Variants in LCMT1 observed in about 807,000 individuals in gnomAD.
LCMT1 encodes [Phosphatase 2A protein]-leucine-carboxy methyltransferase 1.
Under a neutral mutation model 47.7 loss-of-function variants are expected in LCMT1, and 32 were observed. That is an observed-to-expected ratio of 0.67 (90% CI 0.51 to 0.90). The LOEUF is 0.90. Among genes scored for constraint, LCMT1 ranks in the 40% least tolerant of loss-of-function variants. The pLI is 0.00. For missense variants in LCMT1, 375 were observed against 415.2 expected, an observed-to-expected ratio of 0.90 and a Z score of 0.84; for synonymous variants, 152 against 149.7, an observed-to-expected ratio of 1.02 and a Z score of -0.11.
chr16:25,126,120 G>C (rs1284389013), intron 1 of LCMT1: 1 of 1,351,704 alleles, frequency 7.4e-7, no homozygotes, highest in Non-Finnish European at 9.8e-7. Flanking sequence ...TTGCGGAGTG[G>C]GAGGAGGAAA....
chr16:25,158,081 T>C (rs1175314201), intron 5 of LCMT1, among the ~76,000 whole-genome samples: 1 of 152,262 alleles, frequency 6.6e-6, no homozygotes, highest in Non-Finnish European at 1.5e-5. Flanking sequence ...TAGGGCACTT[T>C]ACAGCTTCAC....
Position 25,153,054 on chromosome 16 carries a change from G to T in LCMT1, c.466+1439G>T, listed in dbSNP as rs118058187. On this transcript the variant is annotated intron_variant, in intron 5 of 10. Coordinates refer to ENST00000399069, the MANE Select transcript of LCMT1 (RefSeq NM_016309.3). The stretch of plus-strand genomic sequence containing the variant: ...GGCATCAGGTGACTAGATGAGCCAG[G>T]TTTATTACAACAAGCAGGGACATGA... Among the ~76,000 whole-genome samples the T allele has an allele frequency of 1.3e-4, 20 of 152,212 alleles. No individual in the cohort carries two copies. The East Asian group carries it at 3.9e-3, about 29-fold the overall frequency.
chr16:25,134,312 C>T (rs1166764046), intron 3 of LCMT1, among the ~76,000 whole-genome samples: 5 of 152,178 alleles, frequency 3.3e-5, no homozygotes, highest in African/African-American at 1.2e-4. Flanking sequence ...TTTGCCTCTG[C>T]ATTCTCTTCT....
rs1961533539 is a variant in LCMT1, at chr16:25,164,664, C to T, written c.636C>T (p.Leu212=). 1.2e-6 allele frequency: 2 copies of T among 1,613,864 alleles called. No individual in the cohort carries two copies. Among genetic ancestry groups the T allele is most frequent in the African/African-American group, 2.7e-5 (2 of 74,922 alleles). ...VYMTPEQSAN[L]LKWAANSFER... Reference sequence around the variant, plus strand: ...TGACTCCAGAGCAGTCCGCAAACCTCCTGAAGTGGGCAGCCAACAGTTTTG... The same window carrying T: ...TGACTCCAGAGCAGTCCGCAAACCTTCTGAAGTGGGCAGCCAACAGTTTTG... The change falls in exon 7 of 11, where the codon CTC becomes CTT. Residue 212 remains leucine (L), a synonymous_variant. Coordinates refer to ENST00000399069, the MANE Select transcript of LCMT1 (RefSeq NM_016309.3).
At chr16:25,166,658 A>G (rs1290580315) in intron 7 of LCMT1, among the ~76,000 whole-genome samples, 3 of 152,030 alleles carry the variant, frequency 2.0e-5, no homozygotes, top group African/African-American at 7.2e-5. Context: ...TTTTTATTTT[A>G]TCACACATAA....
intron 10 of LCMT1, among the ~76,000 whole-genome samples, chr16:25,175,916 T>G (rs149258339): frequency 6.6e-6 from 1 of 152,258 alleles, no homozygotes; most frequent in African/African-American, 2.4e-5. Flanking sequence ...CCTTGAGAGA[T>G]GTACTGTGGA....
chr16:25,119,178 A>T (rs1194007957), intron 1 of LCMT1, among the ~76,000 whole-genome samples: 1 of 152,044 alleles, frequency 6.6e-6, no homozygotes, highest in East Asian at 1.9e-4. Context: ...GGCAGAGTGG[A>T]TGTGGGGCAA....
chr16:25,154,910 T>G lies in LCMT1; in HGVS notation c.466+3295T>G, dbSNP rs200993861. ...TTTTTTACTCTGGTTCTTTATAGTTTTTGATTGTGCTGAGAAAGGAGAATT... is the reference window on the plus strand; with the variant it reads ...TTTTTTACTCTGGTTCTTTATAGTTGTTGATTGTGCTGAGAAAGGAGAATT... On this transcript the variant is annotated intron_variant, in intron 5 of 10. Transcript: ENST00000399069. 1.1e-4 allele frequency among the ~76,000 whole-genome samples: 17 copies of G among 152,086 alleles called. No homozygotes were observed. The East Asian group carries it at 3.3e-3, about 29-fold the overall frequency.
At chr16:25,132,848 G>A (rs1451730274) in intron 3 of LCMT1, among the ~76,000 whole-genome samples, 3 of 146,444 alleles carry the variant, frequency 2.0e-5, no homozygotes, top group Non-Finnish European at 4.4e-5. Context: ...GCTCATGCAT[G>A]CATTTGTAAC....
intron 3 of LCMT1, among the ~76,000 whole-genome samples, chr16:25,138,028 C>T (rs1410160763): frequency 2.6e-5 from 4 of 152,226 alleles, no homozygotes; most frequent in Non-Finnish European, 5.9e-5. Context: ...TGCCCAGTTG[C>T]TCCAGTCAGA....
intron 8 of LCMT1, chr16:25,169,510 T>G: frequency 4.2e-6 from 1 of 239,680 alleles, no homozygotes; most frequent in Non-Finnish European, 8.3e-6. Context: ...AACTTCAGTA[T>G]TTCTTATATT....
chr16:25,135,610 G>A (rs1362161938), intron 3 of LCMT1, among the ~76,000 whole-genome samples: 3 of 152,114 alleles, frequency 2.0e-5, no homozygotes, highest in Non-Finnish European at 2.9e-5. Flanking sequence ...TTGTCTGTGG[G>A]TCTTAGTGTC....
intron 2 of LCMT1, among the ~76,000 whole-genome samples, chr16:25,131,714 C>T (rs1383684567): frequency 6.6e-6 from 1 of 152,162 alleles, no homozygotes; most frequent in Non-Finnish European, 1.5e-5. Context: ...CCCAACCCTC[C>T]ACCCGAAAAC....
At chr16:25,176,550 CTTTTTTTTTTTTTTT>C (rs1170373745) in intron 10 of LCMT1, among the ~76,000 whole-genome samples, 17 of 44,274 alleles carry the variant, frequency 3.8e-4, no homozygotes, top group African/African-American at 1.4e-3. Flanking sequence ...TTTTTTTTGG[CTTTTTTTTTTTTTTT>C]TTTTTTTTTT....
In LCMT1 at chr16:25,151,643, C is replaced by T. The variant is rs371855924; in HGVS notation, c.466+28C>T. 5.7e-6 allele frequency: 9 copies of T among 1,590,816 alleles called. No homozygotes were observed. The African/African-American group carries it at 1.2e-4, about 21-fold the overall frequency. ...AAGTATCAAGCTAATGCAAAATGGACTGTATCAGTATTTTTGCTTCCCACC... is the reference window on the plus strand; with the variant it reads ...AAGTATCAAGCTAATGCAAAATGGATTGTATCAGTATTTTTGCTTCCCACC... On this transcript the variant is annotated intron_variant, in intron 5 of 10. Transcript: ENST00000399069.
intron 10 of LCMT1, among the ~76,000 whole-genome samples, chr16:25,177,342 C>T (rs375111652): frequency 1.1e-4 from 17 of 152,262 alleles, no homozygotes; most frequent in African/African-American, 4.1e-4. Context: ...TGTGACTTTT[C>T]CCTTCCCCTC....
intron 1 of LCMT1, among the ~76,000 whole-genome samples, chr16:25,114,091 G>A (rs1288775800): frequency 6.6e-6 from 1 of 152,204 alleles, no homozygotes; most frequent in African/African-American, 2.4e-5. Flanking sequence ...ATATTGTTTA[G>A]TTAAAGTTGC....
intron 4 of LCMT1, chr16:25,143,223 TC>T (rs1358613219): frequency 1.3e-5 from 2 of 152,176 alleles, no homozygotes; most frequent in Non-Finnish European, 2.9e-5. Context: ...CTCTGGTAGA[TC>T]ATCTGAGAAG....
chr16:25,131,251 T>C (rs1047624763), intron 2 of LCMT1, among the ~76,000 whole-genome samples: 1 of 152,224 alleles, frequency 6.6e-6, no homozygotes, highest in South Asian at 2.1e-4. Flanking sequence ...TATTTTGCAT[T>C]CCCTCCCCTG....
Sources: allele counts gnomAD v4.1 joint callset (sites outside exome capture counted in the v4.1 genomes callset), GRCh38; gene constraint gnomAD v4.1.1; transcripts MANE v1.5; gene names NCBI Gene and HGNC (gene_info 2026-07-23, HGNC 2026-07-21).